Variants in HPSE2 observed in about 807,000 individuals in gnomAD.
The protein encoded by HPSE2 is heparanase 2 (inactive).
A neutral mutation model predicts 60.5 loss-of-function variants in HPSE2; 38 were observed. That is an observed-to-expected ratio of 0.63 (90% CI 0.48 to 0.82). The LOEUF (loss-of-function observed/expected upper bound fraction) is 0.82. HPSE2 is among the 40% of genes least tolerant of loss of function. The pLI is 0.00. For synonymous variants in HPSE2, 295 were observed against 293.2 expected, an observed-to-expected ratio of 1.01 and a Z score of -0.06; for missense variants, 713 against 740.4, an observed-to-expected ratio of 0.96 and a Z score of 0.43.
At chr10:98,481,806 A>C (rs1368233011) in intron 11 of HPSE2, among the ~76,000 whole-genome samples, 1 of 152,188 alleles carries the variant, frequency 6.6e-6, no homozygotes, top group Non-Finnish European at 1.5e-5. Flanking sequence ...GGTAAACATT[A>C]AAAATGGAAT....
chr10:98,915,022 G>T (rs1187109596), intron 3 of HPSE2, among the ~76,000 whole-genome samples: 1 of 151,436 alleles, frequency 6.6e-6, no homozygotes, highest in Non-Finnish European at 1.5e-5. Flanking sequence ...AAAAACCACT[G>T]GAAGGAAATA....
At chr10:98,746,959 A>T (rs1417683935) in intron 3 of HPSE2, among the ~76,000 whole-genome samples, 2 of 152,066 alleles carry the variant, frequency 1.3e-5, no homozygotes, top group Non-Finnish European at 2.9e-5. Flanking sequence ...GAACACTGGC[A>T]ATATTGGATA....
chr10:99,232,464 G>A lies in HPSE2; in HGVS notation c.332C>T (p.Ala111Val). ...CCTTTTGCCCCCGAAGCGCAGAAAG[G>A]CGGGCGAAAGTCCCCGGGCCAGGGT... ...LVTLARGLSP[A>V]FLRFGGKRTD... The change falls in exon 2 of 12, where the codon GCC becomes GTC. Residue 111 changes from alanine to valine, a missense_variant. Physicochemically the swap from Ala to Val is moderately conservative, Grantham distance 64 (BLOSUM62 0). Transcript: ENST00000370552. 2.6e-6 allele frequency: 4 copies of A among 1,557,908 alleles called. No homozygotes were observed. Among genetic ancestry groups the A allele is most frequent in the Non-Finnish European group, 3.5e-6 (4 of 1,150,778 alleles).
chr10:98,755,310 CAAG>C (rs1214957143), intron 3 of HPSE2, among the ~76,000 whole-genome samples: 1 of 152,152 alleles, frequency 6.6e-6, no homozygotes, highest in African/African-American at 2.4e-5. Context: ...GTTCATTCAA[CAAG>C]AAGACTTAAA....
chr10:98,973,783 G>C (rs143805406), intron 3 of HPSE2, among the ~76,000 whole-genome samples: 78 of 152,064 alleles, frequency 5.1e-4, no homozygotes, highest in Non-Finnish European at 6.2e-4. Flanking sequence ...AAGTACATTT[G>C]GGAGATGTTT....
intron 2 of HPSE2, among the ~76,000 whole-genome samples, chr10:99,206,979 A>G (rs1266433973): frequency 6.6e-6 from 1 of 152,170 alleles, no homozygotes; most frequent in African/African-American, 2.4e-5. Context: ...ACTAGGAAAG[A>G]AAGCTTATTT....
chr10:98,967,970 T>C (rs531939162), intron 3 of HPSE2, among the ~76,000 whole-genome samples: 28 of 152,284 alleles, frequency 1.8e-4, no homozygotes, highest in African/African-American at 6.5e-4. Flanking sequence ...CACTTACTCC[T>C]GGCTTGAACA....
At chr10:98,938,020 C>G (rs1303702417) in intron 3 of HPSE2, among the ~76,000 whole-genome samples, 3 of 143,452 alleles carry the variant, frequency 2.1e-5, no homozygotes, top group Admixed American at 1.4e-4. Context: ...AGACCTGCAG[C>G]TGAGGGTCCT....
At chr10:98,583,271 A>G (rs531401488) in intron 9 of HPSE2, among the ~76,000 whole-genome samples, 1 of 152,324 alleles carries the variant, frequency 6.6e-6, no homozygotes, top group African/African-American at 2.4e-5. Flanking sequence ...ACCAGTGGGA[A>G]ACCTCTTAGA....
intron 3 of HPSE2, among the ~76,000 whole-genome samples, chr10:99,109,357 T>C: frequency 6.6e-6 from 1 of 152,254 alleles, no homozygotes; most frequent in East Asian, 1.9e-4. Flanking sequence ...TTAAATTTTA[T>C]TTAATTTGGA....
chr10:98,940,737 G>A (rs1399394292), intron 3 of HPSE2, among the ~76,000 whole-genome samples: 1 of 142,412 alleles, frequency 7.0e-6, no homozygotes, highest in Non-Finnish European at 1.5e-5. Flanking sequence ...ATTTTATAAG[G>A]CCAGCATCAT....
intron 6 of HPSE2, among the ~76,000 whole-genome samples, chr10:98,663,779 G>A (rs1947287022): frequency 6.6e-6 from 1 of 152,148 alleles, no homozygotes; most frequent in African/African-American, 2.4e-5. Context: ...AGACCACGGG[G>A]AGCCCCACAG....
intron 9 of HPSE2, among the ~76,000 whole-genome samples, chr10:98,528,475 G>T (rs985947148): frequency 1.3e-5 from 2 of 152,160 alleles, no homozygotes; most frequent in African/African-American, 2.4e-5. Flanking sequence ...AAAAGCAGGA[G>T]AGCAAAGAGG....
At chr10:98,993,042 T>A (rs1956562613) in intron 3 of HPSE2, among the ~76,000 whole-genome samples, 1 of 152,228 alleles carries the variant, frequency 6.6e-6, no homozygotes, top group Non-Finnish European at 1.5e-5. Flanking sequence ...ATCGCTATGA[T>A]TTCTCATATA....
intron 3 of HPSE2, among the ~76,000 whole-genome samples, chr10:99,103,552 T>C (rs1368855917): frequency 6.6e-6 from 1 of 152,142 alleles, no homozygotes; most frequent in Admixed American, 6.5e-5. Context: ...AAAATGGCCA[T>C]ACTGCCCAAG....
chr10:99,265,612 G>A, the HPSE2 span, among the ~76,000 whole-genome samples: 13 of 152,274 alleles, frequency 8.5e-5, no homozygotes, highest in East Asian at 1.2e-3. Context: ...GAGTGAAAGC[G>A]AAAAATGGTG....
At chr10:98,878,161 C>T (rs1222435332) in intron 3 of HPSE2, among the ~76,000 whole-genome samples, 2 of 151,962 alleles carry the variant, frequency 1.3e-5, no homozygotes, top group Non-Finnish European at 2.9e-5. Context: ...CAGCACAGTG[C>T]TGTGATCACT....
intron 3 of HPSE2, among the ~76,000 whole-genome samples, chr10:98,960,635 C>T (rs1056530933): frequency 6.8e-6 from 1 of 148,022 alleles, no homozygotes; most frequent in Non-Finnish European, 1.5e-5. Flanking sequence ...AATTCCACAG[C>T]CTTGTTTGTA....
chr10:98,461,879 G>C, intron 11 of HPSE2: 1 of 1,244,554 alleles, frequency 8.0e-7, no homozygotes, highest in South Asian at 1.3e-5. Context: ...CTAATAAGGA[G>C]TAGTTGTCCT....
Sources: allele counts gnomAD v4.1 joint callset (sites outside exome capture counted in the v4.1 genomes callset), GRCh38; gene constraint gnomAD v4.1.1; transcripts MANE v1.5; gene names NCBI Gene and HGNC (gene_info 2026-07-23, HGNC 2026-07-21).